LRRC9: variants seen among roughly 807,000 people sequenced by gnomAD.
The protein encoded by LRRC9 is leucine rich repeat containing 9.
In LRRC9, 122 loss-of-function variants were observed where a neutral mutation model predicts 63.2. The observed-to-expected ratio is 1.93, with a 90% CI of 1.67 to 2.24. The LOEUF (loss-of-function observed/expected upper bound fraction) is 2.24, where lower values mean the gene tolerates loss of function less well. LRRC9 is among the 30% of genes most tolerant of loss of function. LRRC9 has a pLI of 0.00. For synonymous variants in LRRC9, 366 were observed against 213.1 expected (o/e 1.72, Z -6.25); for missense variants, 1,071 against 627.7 (o/e 1.71, Z -7.55).
At chr14:59,956,528 T>C (rs1330469420) in intron 8 of LRRC9, among the ~76,000 whole-genome samples, 1 of 152,230 alleles carries the variant, frequency 6.6e-6, no homozygotes, top group Admixed American at 6.5e-5. Context: ...AGCCTATGTG[T>C]GTCTTTGCAC....
intron 29 of LRRC9, among the ~76,000 whole-genome samples, chr14:60,037,433 T>C (rs939838770): frequency 5.3e-5 from 8 of 152,180 alleles, no homozygotes; most frequent in Admixed American, 2.0e-4. Context: ...ACCTGTTGTT[T>C]CCTGACTTTT....
intron 15 of LRRC9, among the ~76,000 whole-genome samples, chr14:59,978,712 T>C (rs1886587622): frequency 6.6e-6 from 1 of 152,224 alleles, no homozygotes; most frequent in Non-Finnish European, 1.5e-5. Context: ...TCCATATTTA[T>C]TATTTAAAAT....
chr14:60,021,913 T>G (rs1251863633), intron 26 of LRRC9, among the ~76,000 whole-genome samples: 1 of 151,904 alleles, frequency 6.6e-6, no homozygotes, highest in African/African-American at 2.4e-5. Context: ...TTAAAATCAG[T>G]GATTTAAGCT....
chr14:60,021,355 G>C (rs748788794), intron 26 of LRRC9, among the ~76,000 whole-genome samples: 31 of 151,722 alleles, frequency 2.0e-4, no homozygotes, highest in Non-Finnish European at 3.5e-4. Context: ...TAGGTTGCTT[G>C]GCTTTTCATT....
chr14:60,003,568 T>C lies in LRRC9; in HGVS notation c.2665-53T>C, dbSNP rs1889565977. The C allele has an allele frequency of 7.7e-6, 4 of 520,516 alleles. No homozygotes were observed. Among genetic ancestry groups the C allele is most frequent in the Non-Finnish European group, 1.3e-5 (4 of 298,698 alleles). The allele number at this position is 520,516 out of a possible 1,614,324, so 32.2% of individuals were successfully genotyped here. A position where few individuals can be genotyped will look rare whatever the true frequency, so the allele number is the denominator to read the frequency against. On this transcript the variant is annotated intron_variant, in intron 20 of 31. Coordinates refer to ENST00000445360, the Ensembl canonical transcript of LRRC9. This position sits in a 1 kb window ranked among gnomAD's most constrained non-coding sequence, Gnocchi z 4.2. Reference sequence around the variant, plus strand: ...TTAGCTTTTTAAAATGTTATTAACATTGACTGAATTTATAAGATTTAGAAA... The same window carrying C: ...TTAGCTTTTTAAAATGTTATTAACACTGACTGAATTTATAAGATTTAGAAA...
intron 8 of LRRC9, among the ~76,000 whole-genome samples, chr14:59,945,191 A>C (rs1388183768): frequency 6.6e-6 from 1 of 151,922 alleles, no homozygotes; most frequent in Admixed American, 6.6e-5. Context: ...GTATACAACA[A>C]AGTGGGAACT....
chr14:60,009,614 TTCAAAACCAA>T (rs1249407183), intron 23 of LRRC9, among the ~76,000 whole-genome samples: 2 of 152,244 alleles, frequency 1.3e-5, no homozygotes, highest in African/African-American at 4.8e-5. Context: ...GTCCTCACAT[TTCAAAACCAA>T]TCATGCCTTC....
intron 17 of LRRC9, among the ~76,000 whole-genome samples, chr14:59,992,957 C>T (rs1049783063): frequency 2.0e-4 from 30 of 152,172 alleles, no homozygotes; most frequent in Admixed American, 5.9e-4. Context: ...ATACAGAGAA[C>T]GCCACAAAGA....
At chr14:60,012,063 C>T (rs1227119903) in intron 23 of LRRC9, among the ~76,000 whole-genome samples, 1 of 152,074 alleles carries the variant, frequency 6.6e-6, no homozygotes, top group Non-Finnish European at 1.5e-5. Flanking sequence ...CAAAGTGAGG[C>T]TCTAATACTT....
In LRRC9 at chr14:59,925,140, G is replaced by C. The variant is rs188832687; in HGVS notation, c.-33-2771G>C. On this transcript the variant is annotated intron_variant, in intron 1 of 31. Transcript: ENST00000445360. ...TCAATGAATGAACAAAGAGTCCAAT[G>C]TATTAGGATAATTTGCTGGCTGTAT... Among the ~76,000 whole-genome samples the C allele has an allele frequency of 5.8e-4, 89 of 152,220 alleles. 1 individual carries two copies. The highest frequency in any genetic ancestry group is 2.0e-3 in the African/African-American group (83 of 41,536).
chr14:60,040,025 A>T (rs1445126340), intron 29 of LRRC9, among the ~76,000 whole-genome samples: 4 of 151,968 alleles, frequency 2.6e-5, no homozygotes, highest in Non-Finnish European at 5.9e-5. Context: ...TTATGTACCC[A>T]GTAGTCATTC....
chr14:60,010,717 T>G (rs529897107), intron 23 of LRRC9, among the ~76,000 whole-genome samples: 1 of 152,274 alleles, frequency 6.6e-6, no homozygotes, highest in Admixed American at 6.5e-5. Flanking sequence ...TTACAAATTT[T>G]TCACCAGATA....
chr14:59,955,353 C>A (rs1883624762), intron 8 of LRRC9, among the ~76,000 whole-genome samples: 1 of 152,122 alleles, frequency 6.6e-6, no homozygotes, highest in African/African-American at 2.4e-5. Flanking sequence ...GATTCAACTT[C>A]TTTCTGGTTT....
chr14:59,968,041 G>A (rs574103087), intron 12 of LRRC9, among the ~76,000 whole-genome samples: 10 of 152,286 alleles, frequency 6.6e-5, no homozygotes, highest in Admixed American at 2.0e-4. Context: ...ATCAACAGAT[G>A]AATGGATAAA....
chr14:59,993,554 T>C (rs1340586508), intron 17 of LRRC9, among the ~76,000 whole-genome samples: 1 of 152,128 alleles, frequency 6.6e-6, no homozygotes, highest in African/African-American at 2.4e-5. Flanking sequence ...CAGTGTGCTG[T>C]ATTCAGGAAA....
intron 12 of LRRC9, among the ~76,000 whole-genome samples, chr14:59,972,108 T>C (rs1885576326): frequency 6.6e-6 from 1 of 152,118 alleles, no homozygotes. Context: ...TAATGAAGTA[T>C]GTAGTCTACT....
chr14:59,943,130 T>G (rs369591810), intron 7 of LRRC9, among the ~76,000 whole-genome samples: 1 of 152,176 alleles, frequency 6.6e-6, no homozygotes, highest in Non-Finnish European at 1.5e-5. Flanking sequence ...CTCTTCACTC[T>G]GTTGATTGTT....
At chr14:59,948,067 G>A (rs1389826524) in intron 8 of LRRC9, among the ~76,000 whole-genome samples, 2 of 129,068 alleles carry the variant, frequency 1.5e-5, no homozygotes, top group African/African-American at 6.3e-5. Context: ...AGCTTGATGG[G>A]GATGGTATTG....
chr14:59,985,662 T>A (rs1887389511), intron 17 of LRRC9, among the ~76,000 whole-genome samples: 2 of 152,156 alleles, frequency 1.3e-5, no homozygotes, highest in Non-Finnish European at 1.5e-5. Context: ...GAGCTGTCCT[T>A]TTGAAAACAT....
Sources: allele counts gnomAD v4.1 joint callset (sites outside exome capture counted in the v4.1 genomes callset), GRCh38; gene constraint gnomAD v4.1.1; non-coding constraint Gnocchi (gnomAD v3.1); transcripts MANE v1.5; gene names NCBI Gene and HGNC (gene_info 2026-07-23, HGNC 2026-07-21).